The following PLA2G7 variants were observed in gnomAD, a reference collection of about 807,000 sequenced individuals.
PLA2G7 encodes the protein phospholipase A2 group VII.
Under a neutral mutation model 49.6 loss-of-function variants are expected in PLA2G7, and 63 were observed. The observed-to-expected ratio is 1.27, with a 90% CI of 1.04 to 1.57. PLA2G7 has a LOEUF of 1.57. Ranked by LOEUF, PLA2G7 falls within the 40% of genes most tolerant of loss-of-function variation. The probability of loss-of-function intolerance (pLI) is 0.00; values close to 1 mark genes in which losing one functional copy is unlikely to be tolerated. For synonymous variants in PLA2G7, 193 were observed against 169.9 expected, an observed-to-expected ratio of 1.14 and a Z score of -1.06; for missense variants, 596 against 521.2, an observed-to-expected ratio of 1.14 and a Z score of -1.40.
In PLA2G7 at chr6:46,705,031, T is replaced by C. The variant is rs140170446; in HGVS notation, c.1189+122A>G. On this transcript the variant is annotated intron_variant, in intron 11 of 11. Transcript: ENST00000274793. Reference sequence around the variant, plus strand: ...TCAAATTTCTGTTTTCAAATTGATATACTGCTTTGTTCCATTGTAAACCAA... The same window carrying C: ...TCAAATTTCTGTTTTCAAATTGATACACTGCTTTGTTCCATTGTAAACCAA... 458 of 766,052 alleles carry C rather than the reference T, an allele frequency of 6.0e-4. 2 individuals carry two copies. The highest frequency in any genetic ancestry group is 5.8e-3 in the African/African-American group (332 of 57,490). 47.5% of individuals were successfully genotyped at this position (766,052 alleles called of 1,614,324 possible).
intron 2 of PLA2G7, among the ~76,000 whole-genome samples, chr6:46,717,715 C>CTT (rs869135567): frequency 0.01 from 220 of 21,260 alleles, no homozygotes; most frequent in African/African-American, 0.035. Flanking sequence ...TTTTCTTTTT[C>CTT]TTTTTTTTTT....
At chr6:46,728,270 CTTA>C (rs1488980130) in intron 1 of PLA2G7, among the ~76,000 whole-genome samples, 1 of 152,188 alleles carries the variant, frequency 6.6e-6, no homozygotes. Context: ...CAAGAAGACA[CTTA>C]TTAATGTCTG....
chr6:46,725,060 A>G (rs960098955), intron 1 of PLA2G7, among the ~76,000 whole-genome samples: 4 of 152,200 alleles, frequency 2.6e-5, no homozygotes, highest in African/African-American at 9.7e-5. Context: ...ACAGGAAGAA[A>G]GCAAATTACA....
chr6:46,722,952 AAG>A, intron 1 of PLA2G7, 27 bp from the exon 2 acceptor site: 2 of 962,064 alleles, frequency 2.1e-6, no homozygotes, highest in Non-Finnish European at 1.7e-6. Flanking sequence ...TAAAAGAAAA[AAG>A]AAGTATGCAA....
chr6:46,728,104 G>T (rs769161290), intron 1 of PLA2G7, among the ~76,000 whole-genome samples: 2 of 152,152 alleles, frequency 1.3e-5, no homozygotes, highest in Non-Finnish European at 2.9e-5. Context: ...CAAAGAAAGT[G>T]GCTTAAATAC....
At position 46,710,595 on chromosome 6, in the gene PLA2G7, T is replaced by G; in HGVS notation, c.727A>C (p.Lys243Gln). The G allele has an allele frequency of 6.2e-7, 1 of 1,613,634 alleles. No homozygotes were observed. The highest frequency in any genetic ancestry group is 8.5e-7 in the Non-Finnish European group (1 of 1,179,574). Reference protein sequence around the residue: ...LSLILDIDHGKPVKNALDLKF... With the variant: ...LSLILDIDHGQPVKNALDLKF... The stretch of plus-strand genomic sequence containing the variant: ...AAATCTAATGCATTCTTCACTGGCT[T>G]TCCATGATCAATGTCAAGAATCAGA... The change falls in exon 8 of 12, where the codon AAG becomes CAG. Residue 243 changes from lysine (K) to glutamine (Q), a missense_variant. Lys to Gln is a moderately conservative substitution (Grantham distance 53). Coordinates refer to ENST00000274793, the MANE Select transcript of PLA2G7 (RefSeq NM_005084.4).
chr6:46,728,311 A>AG (rs1765631454), intron 1 of PLA2G7, among the ~76,000 whole-genome samples: 1 of 152,156 alleles, frequency 6.6e-6, no homozygotes, highest in Admixed American at 6.5e-5. Context: ...CACAACCAGG[A>AG]GGGGGCTGCT....
intron 1 of PLA2G7, among the ~76,000 whole-genome samples, chr6:46,724,133 T>G (rs189390982): frequency 1.7e-3 from 265 of 152,308 alleles, no homozygotes; most frequent in African/African-American, 6.1e-3. Flanking sequence ...CGGTTCAATC[T>G]ATTTAAAATT....
chr6:46,708,233 A>G, intron 9 of PLA2G7, 72 bp from the exon 10 acceptor site: 2 of 1,147,554 alleles, frequency 1.7e-6, no homozygotes, highest in South Asian at 1.2e-5. Flanking sequence ...CATCCTAATA[A>G]TGCTAGGATT....
chr6:46,728,210 T>C (rs1279655546), intron 1 of PLA2G7, among the ~76,000 whole-genome samples: 3 of 152,198 alleles, frequency 2.0e-5, no homozygotes, highest in East Asian at 3.9e-4. Context: ...AGAATGCAGC[T>C]AGAACATCAC....
chr6:46,708,967 A>T (rs1380800243), intron 9 of PLA2G7, among the ~76,000 whole-genome samples: 1 of 152,204 alleles, frequency 6.6e-6, no homozygotes, highest in Non-Finnish European at 1.5e-5. Context: ...CTAATTAAAA[A>T]ATGTCCTGCC....
chr6:46,717,715 CTT>C (rs869135567), intron 2 of PLA2G7, among the ~76,000 whole-genome samples: 3 of 21,238 alleles, frequency 1.4e-4, no homozygotes, highest in African/African-American at 1.7e-4. Flanking sequence ...TTTTCTTTTT[CTT>C]TTTTTTTTTT....
intron 7 of PLA2G7, among the ~76,000 whole-genome samples, chr6:46,711,159 T>G (rs1765007221): frequency 6.6e-6 from 1 of 152,220 alleles, no homozygotes; most frequent in South Asian, 2.1e-4. Context: ...ATACTGCCTC[T>G]CTGAAAAGTA....
chr6:46,720,746 T>C (rs1208323031), intron 2 of PLA2G7, among the ~76,000 whole-genome samples: 1 of 152,250 alleles, frequency 6.6e-6, no homozygotes, highest in Non-Finnish European at 1.5e-5. Flanking sequence ...TTGGAACCTA[T>C]GGCATGCTAT....
chr6:46,714,446 C>T lies in PLA2G7; in HGVS notation c.470+14G>A. On this transcript the variant is annotated intron_variant, in intron 5 of 11. Coordinates refer to ENST00000274793, the MANE Select transcript of PLA2G7 (RefSeq NM_005084.4). ...TTCCTGGAAGCCAAAATTGTTCAAC[C>T]TCTCAAACATTACCTGAATGCCCCA... 1 of 1,548,350 alleles carries T rather than the reference C, an allele frequency of 6.5e-7. No individual in the cohort carries two copies. Among genetic ancestry groups the T allele is most frequent in the Non-Finnish European group, 8.9e-7 (1 of 1,120,230 alleles).
intron 2 of PLA2G7, among the ~76,000 whole-genome samples, chr6:46,718,417 A>C (rs1011748198): frequency 1.3e-5 from 2 of 152,228 alleles, no homozygotes; most frequent in Non-Finnish European, 2.9e-5. Flanking sequence ...GTTGAAACAT[A>C]CTGAGGTTCA....
chr6:46,709,026 A>G (rs913556312), intron 9 of PLA2G7, among the ~76,000 whole-genome samples: 1 of 152,180 alleles, frequency 6.6e-6, no homozygotes, highest in Non-Finnish European at 1.5e-5. Flanking sequence ...TTATTATCAC[A>G]ATCATTATGT....
rs1765283268 is a variant in PLA2G7, at chr6:46,718,307, T to C, written c.110-1211A>G. ...AAGGAGGAATGTATTGTAATCTTTT[T>C]GGAAGGCAGTTTGTAGGAGGAATTT... On this transcript the variant is annotated intron_variant, in intron 2 of 11. Coordinates refer to ENST00000274793, the MANE Select transcript of PLA2G7 (RefSeq NM_005084.4). Among the ~76,000 whole-genome samples the C allele has an allele frequency of 2.0e-5, 3 of 152,238 alleles. No individual in the cohort carries two copies. The South Asian group carries it at 6.2e-4, about 32-fold the overall frequency.
chr6:46,709,604 A>G (rs1346515881), intron 8 of PLA2G7, among the ~76,000 whole-genome samples, 186 bp from the exon 9 acceptor site: 1 of 152,222 alleles, frequency 6.6e-6, no homozygotes, highest in Non-Finnish European at 1.5e-5. Context: ...ATATACACAT[A>G]TAAAACACAT....
Sources: gnomAD v4.1 joint callset for allele counts (sites outside exome capture counted in the v4.1 genomes callset) on GRCh38, gnomAD v4.1.1 for gene constraint, MANE v1.5 for transcripts, NCBI Gene and HGNC (gene_info 2026-07-23, HGNC 2026-07-21) for gene names.